The following YEATS2 variants were observed in gnomAD, a reference collection of about 807,000 sequenced individuals.
YEATS2 encodes the protein YEATS domain containing 2.
YEATS2 carries 77 observed loss-of-function variants against 163.2 expected under a neutral mutation model. The ratio of observed to expected loss-of-function variants is 0.47; its 90% CI spans 0.39 to 0.57. The LOEUF (loss-of-function observed/expected upper bound fraction) is 0.57, where lower values mean the gene tolerates loss of function less well. Ranked by LOEUF, YEATS2 falls within the 20% of genes least tolerant of loss-of-function variation. The probability of loss-of-function intolerance (pLI) is 0.00; values close to 1 mark genes in which losing one functional copy is unlikely to be tolerated. For missense variants in YEATS2, 1,549 were observed against 1,729.8 expected (o/e 0.90, Z 1.85); for synonymous variants, 631 against 645.1 (o/e 0.98, Z 0.33).
intron 15 of YEATS2, among the ~76,000 whole-genome samples, chr3:183,767,213 A>C (rs1577146222): frequency 6.6e-6 from 1 of 151,756 alleles, no homozygotes; most frequent in Non-Finnish European, 1.5e-5. Flanking sequence ...CCAGTGGCTG[A>C]CTTGGGATAC....
intron 1 of YEATS2, 26 bp from the exon 2 acceptor site, chr3:183,715,118 A>G: frequency 6.9e-7 from 1 of 1,448,130 alleles, no homozygotes; most frequent in Middle Eastern, 1.8e-4. Context: ...ATAATTAAAA[A>G]TTATTAATTT....
intron 18 of YEATS2, 53 bp from the exon 19 acceptor site, chr3:183,777,489 C>A: frequency 1.3e-6 from 2 of 1,581,742 alleles, no homozygotes; most frequent in South Asian, 1.1e-5. Flanking sequence ...CAGAACAGCC[C>A]ATCTGAATTT....
intron 5 of YEATS2, 39 bp downstream of exon 5, chr3:183,722,175 A>G: frequency 6.4e-7 from 1 of 1,567,420 alleles, no homozygotes; most frequent in Non-Finnish European, 8.6e-7. Flanking sequence ...GCCACAGGAG[A>G]AGGGAACTAT....
rs1215839801 is a variant in YEATS2 at position 183,807,604 on chromosome 3, A to G, written c.4012-426A>G. ...TGCTGGAGCCTAACAGCTCTTCAGC[A>G]TCTGCCAGTTGCTCAGGGCCCAAGG... On this transcript the variant is annotated intron_variant, in intron 28 of 30. Transcript: ENST00000305135. 1.9e-5 allele frequency: 4 copies of G among 211,908 alleles called. No homozygotes were observed. The East Asian group carries it at 5.5e-4, about 29-fold the overall frequency. 13.1% of individuals were successfully genotyped at this position (211,908 alleles called of 1,614,324 possible).
chr3:183,721,836 C>A (rs1365375135), intron 4 of YEATS2, 55 bp from the exon 5 acceptor site: 1 of 1,591,396 alleles, frequency 6.3e-7, no homozygotes, highest in Non-Finnish European at 8.5e-7. Context: ...CAGATTTTTG[C>A]CTGCTTTTGA....
intron 22 of YEATS2, among the ~76,000 whole-genome samples, chr3:183,798,261 C>T (rs1725347146): frequency 6.6e-6 from 1 of 151,870 alleles, no homozygotes; most frequent in Non-Finnish European, 1.5e-5. Context: ...CCCAAATGTT[C>T]GTTGGCTTCT....
At chr3:183,800,712 T>TA (rs1416670914) in intron 24 of YEATS2, 144 bp downstream of exon 24, 1 of 635,214 alleles carries the variant, frequency 1.6e-6, no homozygotes, top group African/African-American at 1.8e-5. Flanking sequence ...GGACAAGTGT[T>TA]ACCACTTGAT....
At chr3:183,745,142 G>A (rs950395441) in intron 8 of YEATS2, among the ~76,000 whole-genome samples, 6 of 152,152 alleles carry the variant, frequency 3.9e-5, no homozygotes, top group African/African-American at 1.2e-4. Context: ...GAGCCACCGC[G>A]CCCTGGCCCC....
At chr3:183,700,833 A>T (rs1390866587) in intron 1 of YEATS2, among the ~76,000 whole-genome samples, 1 of 151,082 alleles carries the variant, frequency 6.6e-6, no homozygotes, top group Non-Finnish European at 1.5e-5. Context: ...TTCTATTTAT[A>T]CGAAATGTCC....
At position 183,732,242 on chromosome 3, in the gene YEATS2, C is replaced by T. The variant is rs1204670584; in HGVS notation, c.812+3391C>T. Among the ~76,000 whole-genome samples, 6 of 151,376 alleles carry T rather than the reference C, an allele frequency of 4.0e-5. No individual in the cohort carries two copies. The East Asian group carries it at 8.0e-4, about 20-fold the overall frequency. On this transcript the variant is annotated intron_variant, in intron 7 of 30. Transcript: ENST00000305135. ...GAGGCAGGTGGATCACGAGATCAGGCGTTTGAGACCAGCCTTGCCAACATG... is the reference window on the plus strand; with the variant it reads ...GAGGCAGGTGGATCACGAGATCAGGTGTTTGAGACCAGCCTTGCCAACATG...
At position 183,775,978 on chromosome 3, in the gene YEATS2, GA is replaced by G. The variant is rs756264523; in HGVS notation, c.2433del (p.Gly812GlufsTer36). ...SGAGGGGGGG[G>X]GGGSGSGGGG... Reference sequence around the variant, plus strand: ...GCCGGAGGAGGAGGAGGAGGAGGAGGAGGAGGCGGCAGTGGCAGCGGTGGAG... The same window carrying G: ...GCCGGAGGAGGAGGAGGAGGAGGAGGGGAGGCGGCAGTGGCAGCGGTGGAG... On this transcript the variant is annotated frameshift_variant, in exon 18 of 31. Transcript: ENST00000305135. LOFTEE classifies it high-confidence loss of function. 5.6e-6 allele frequency: 9 copies of G among 1,609,048 alleles called. No individual in the cohort carries two copies. The highest frequency in any genetic ancestry group is 7.6e-6 in the Non-Finnish European group (9 of 1,177,198).
At chr3:183,728,057 G>GTTCATTAA (rs1717304730) in intron 6 of YEATS2, among the ~76,000 whole-genome samples, 1 of 151,486 alleles carries the variant, frequency 6.6e-6, no homozygotes, top group South Asian at 2.1e-4. Flanking sequence ...TTTTATTTTA[G>GTTCATTAA]TTCATTAATT....
chr3:183,720,275 C>T (rs1716356905), intron 4 of YEATS2, among the ~76,000 whole-genome samples: 1 of 152,122 alleles, frequency 6.6e-6, no homozygotes, highest in Non-Finnish European at 1.5e-5. Context: ...GCTCTTTTAT[C>T]CTAGTAATCT....
At chr3:183,800,746 A>G (rs1380021215) in intron 24 of YEATS2, among the ~76,000 whole-genome samples, 178 bp downstream of exon 24, 1 of 152,182 alleles carries the variant, frequency 6.6e-6, no homozygotes, top group East Asian at 1.9e-4. Flanking sequence ...TCATCATTTT[A>G]TACAGTGATG....
chr3:183,764,368 T>TAA (rs11452949), intron 15 of YEATS2, among the ~76,000 whole-genome samples: 1,726 of 105,138 alleles, frequency 0.016, 46 homozygotes, highest in African/African-American at 0.05. Context: ...AAACTCTGTT[T>TAA]AAAAAAAAAA....
Position 183,803,985 on chromosome 3 carries a change from A to T in YEATS2, c.3583-2A>T. The T allele has an allele frequency of 6.2e-7, 1 of 1,610,514 alleles. No individual in the cohort carries two copies. Among genetic ancestry groups the T allele is most frequent in the Admixed American group, 1.7e-5 (1 of 58,784 alleles). On this transcript the variant is annotated splice_acceptor_variant, in intron 26 of 30. Coordinates refer to ENST00000305135, the MANE Select transcript of YEATS2 (RefSeq NM_018023.5). LOFTEE classifies it high-confidence loss of function. Reference sequence around the variant, plus strand: ...GTTCCAAAAGAAAATTTTTTTTTTAAGTGGCAAAGAGCAATGACAATGCGA... The same window carrying T: ...GTTCCAAAAGAAAATTTTTTTTTTATGTGGCAAAGAGCAATGACAATGCGA...
chr3:183,716,009 G>A (rs1055899619), intron 2 of YEATS2, among the ~76,000 whole-genome samples: 2 of 152,016 alleles, frequency 1.3e-5, no homozygotes, highest in East Asian at 1.9e-4. Flanking sequence ...CCCCAGGCTG[G>A]AGTGCAGTGG....
intron 13 of YEATS2, among the ~76,000 whole-genome samples, chr3:183,760,475 C>T (rs890466992): frequency 6.6e-6 from 1 of 151,894 alleles, no homozygotes; most frequent in African/African-American, 2.4e-5. Flanking sequence ...GGGCATGCGC[C>T]CCACGCCCGG....
chr3:183,709,598 GTGCTGAGA>G (rs1714973499), intron 1 of YEATS2, among the ~76,000 whole-genome samples: 1 of 151,834 alleles, frequency 6.6e-6, no homozygotes, highest in African/African-American at 2.4e-5. Context: ...GCCTCCCAAA[GTGCTGAGA>G]TTACAGGCCT....
Sources: allele counts gnomAD v4.1 joint callset (sites outside exome capture counted in the v4.1 genomes callset), GRCh38; gene constraint gnomAD v4.1.1; transcripts MANE v1.5; gene names NCBI Gene and HGNC (gene_info 2026-07-23, HGNC 2026-07-21).